UVRAG: variants seen among roughly 807,000 people sequenced by gnomAD.
The protein encoded by UVRAG is UV radiation resistance associated, also known as UV radiation resistance-associated gene protein.
UVRAG carries 19 observed loss-of-function variants against 78.0 expected under a neutral mutation model. The ratio of observed to expected loss-of-function variants is 0.24; its 90% CI spans 0.17 to 0.36. The LOEUF (loss-of-function observed/expected upper bound fraction) is 0.36. UVRAG is among the 10% of genes least tolerant of loss of function. The probability of loss-of-function intolerance (pLI) is 1.00; values close to 1 mark genes in which losing one functional copy is unlikely to be tolerated. For missense variants in UVRAG, 740 were observed against 853.8 expected (o/e 0.87, Z 1.66); for synonymous variants, 323 against 324.6 (o/e 1.00, Z 0.05).
chr11:75,828,773 A>ATTTTT, intron 1 of UVRAG, among the ~76,000 whole-genome samples: 1 of 106,566 alleles, frequency 9.4e-6, no homozygotes, highest in East Asian at 3.1e-4. Context: ...ATATATATAT[A>ATTTTT]TACACACATA....
chr11:75,874,912 G>A (rs1394920819), intron 3 of UVRAG, among the ~76,000 whole-genome samples: 3 of 152,176 alleles, frequency 2.0e-5, no homozygotes, highest in African/African-American at 7.2e-5. Flanking sequence ...CTGAAGCTAC[G>A]TGATTCTTTA....
chr11:76,035,070 C>T (rs546291192), intron 12 of UVRAG, among the ~76,000 whole-genome samples: 13 of 152,020 alleles, frequency 8.6e-5, no homozygotes, highest in Non-Finnish European at 1.9e-4. Context: ...GTGTAGATGA[C>T]GAATTTATTG....
At chr11:75,825,248 G>T (rs1279791886) in intron 1 of UVRAG, among the ~76,000 whole-genome samples, 1 of 151,860 alleles carries the variant, frequency 6.6e-6, no homozygotes, top group Non-Finnish European at 1.5e-5. Context: ...AGCCTCCCGA[G>T]TAGCTGGGGT....
At chr11:76,076,802 G>GTATGTATTTATT (rs1554987474) in intron 13 of UVRAG, among the ~76,000 whole-genome samples, 237 of 147,632 alleles carry the variant, frequency 1.6e-3, no homozygotes, top group African/African-American at 5.9e-3. Flanking sequence ...AAATTAGGTT[G>GTATGTATTTATT]TATTTATTTA....
At chr11:75,883,382 AGAAAAG>A (rs1299271446) in intron 4 of UVRAG, among the ~76,000 whole-genome samples, 3 of 150,072 alleles carry the variant, frequency 2.0e-5, no homozygotes, top group Non-Finnish European at 3.0e-5. Flanking sequence ...AAAAAAAAAA[AGAAAAG>A]AAAAAAAAAA....
intron 12 of UVRAG, among the ~76,000 whole-genome samples, chr11:76,029,397 A>G (rs1307334192): frequency 1.3e-5 from 2 of 152,162 alleles, no homozygotes; most frequent in East Asian, 1.9e-4. Flanking sequence ...TAGCTGCCAT[A>G]CATAGTGATT....
intron 7 of UVRAG, among the ~76,000 whole-genome samples, chr11:75,971,511 T>C (rs965549883): frequency 2.6e-5 from 4 of 152,158 alleles, no homozygotes; most frequent in Non-Finnish European, 5.9e-5. Flanking sequence ...TTTGGTGGTG[T>C]GAGAGTTTTG....
intron 14 of UVRAG, among the ~76,000 whole-genome samples, chr11:76,132,414 C>T (rs1245933947): frequency 6.6e-6 from 1 of 151,784 alleles, no homozygotes; most frequent in Non-Finnish European, 1.5e-5. Flanking sequence ...TAGTAATGTC[C>T]CTCAGAGGAA....
At chr11:75,858,150 A>C (rs1264706481) in intron 2 of UVRAG, among the ~76,000 whole-genome samples, 2 of 149,074 alleles carry the variant, frequency 1.3e-5, no homozygotes, top group Non-Finnish European at 2.9e-5. Context: ...ATAGGTAAAA[A>C]AAAATATATA....
intron 14 of UVRAG, among the ~76,000 whole-genome samples, chr11:76,138,955 T>C (rs183088459): frequency 7.9e-5 from 12 of 152,372 alleles, no homozygotes; most frequent in Admixed American, 2.6e-4. Flanking sequence ...ATTGTGAATT[T>C]GGGCAACATA....
intron 13 of UVRAG, among the ~76,000 whole-genome samples, chr11:76,074,297 A>G (rs879711215): frequency 2.0e-5 from 3 of 152,164 alleles, no homozygotes; most frequent in East Asian, 1.9e-4. Flanking sequence ...AAACTCTTCA[A>G]TTGCTCCAAG....
chr11:76,009,003 A>G (rs556857991), intron 11 of UVRAG, 136 bp downstream of exon 11: 15 of 484,708 alleles, frequency 3.1e-5, no homozygotes, highest in African/African-American at 1.7e-4. Context: ...AAGTATGTAT[A>G]TCAGACTCCT....
intron 14 of UVRAG, 123 bp downstream of exon 14, chr11:76,116,138 GA>G: frequency 2.2e-6 from 2 of 898,284 alleles, no homozygotes; most frequent in Non-Finnish European, 3.4e-6. Flanking sequence ...GATATGGGAG[GA>G]AAATGAAAGG....
intron 13 of UVRAG, among the ~76,000 whole-genome samples, chr11:76,066,573 A>C (rs1448944950): frequency 6.6e-6 from 1 of 152,040 alleles, no homozygotes; most frequent in Non-Finnish European, 1.5e-5. Flanking sequence ...CCCGGGTTCA[A>C]GTGATTCTCT....
chr11:76,052,589 G>A (rs974641197), intron 12 of UVRAG, among the ~76,000 whole-genome samples: 3 of 152,194 alleles, frequency 2.0e-5, no homozygotes, highest in Non-Finnish European at 4.4e-5. Flanking sequence ...AACCCACAGA[G>A]TCAATCCAGT....
At chr11:75,833,169 C>T (rs369792111) in intron 1 of UVRAG, among the ~76,000 whole-genome samples, 43 of 152,148 alleles carry the variant, frequency 2.8e-4, no homozygotes, top group African/African-American at 1.0e-3. Flanking sequence ...TTATAAATTT[C>T]TGTTTTTCAG....
At position 75,926,039 on chromosome 11, in the gene UVRAG, G is replaced by GT. The variant is rs1190695606; in HGVS notation, c.593+14012dup. On this transcript the variant is annotated intron_variant, in intron 6 of 14. Coordinates refer to ENST00000356136, the MANE Select transcript of UVRAG (RefSeq NM_003369.4). ...AGCACCCTTAGTCTTCCCAGTAAAA[G>GT]TTTTTTTTTTTTGATGATACACCAA... Among the ~76,000 whole-genome samples, 1,354 of 145,498 alleles carry GT rather than the reference G, an allele frequency of 9.3e-3. 12 individuals are homozygous for GT. Among genetic ancestry groups the GT allele is most frequent in the African/African-American group, 0.026 (1,038 of 39,952 alleles).
chr11:75,865,311 A>AT, intron 3 of UVRAG, among the ~76,000 whole-genome samples: 1 of 147,806 alleles, frequency 6.8e-6, no homozygotes, highest in South Asian at 2.1e-4. Flanking sequence ...AAAAAAAAAG[A>AT]TAAAAAAGAG....
Position 75,830,922 on chromosome 11 carries a change from C to T in UVRAG, c.117+15398C>T, listed in dbSNP as rs1945641193. 2.0e-5 allele frequency among the ~76,000 whole-genome samples: 3 copies of T among 152,102 alleles called. No individual in the cohort carries two copies. In the South Asian group the frequency reaches 6.2e-4, roughly 32 times the overall value. Reference sequence around the variant, plus strand: ...TGACTGCTTGTGTTCAAATCCTGGTCCAGCTATTTTCTACGTGCCTAAACT... The same window carrying T: ...TGACTGCTTGTGTTCAAATCCTGGTTCAGCTATTTTCTACGTGCCTAAACT... On this transcript the variant is annotated intron_variant, in intron 1 of 14. Coordinates refer to ENST00000356136, the MANE Select transcript of UVRAG (RefSeq NM_003369.4).
Sources: allele counts gnomAD v4.1 joint callset (sites outside exome capture counted in the v4.1 genomes callset), GRCh38; gene constraint gnomAD v4.1.1; transcripts MANE v1.5; gene names NCBI Gene and HGNC (gene_info 2026-07-23, HGNC 2026-07-21).